Variants in CCDC149 observed in about 807,000 individuals in gnomAD.
CCDC149 encodes the protein coiled-coil domain-containing protein 149.
Under a neutral mutation model 59.9 loss-of-function variants are expected in CCDC149, and 45 were observed. That is an observed-to-expected ratio of 0.75 (90% CI 0.59 to 0.96). The LOEUF (loss-of-function observed/expected upper bound fraction) is 0.96. Ranked by LOEUF, CCDC149 falls within the 40% of genes least tolerant of loss-of-function variation. CCDC149 has a pLI of 0.00. For missense variants in CCDC149, 584 were observed against 664.7 expected, an observed-to-expected ratio of 0.88 and a Z score of 1.33; for synonymous variants, 245 against 260.6, an observed-to-expected ratio of 0.94 and a Z score of 0.58.
chr4:24,970,129 T>C (rs571556674), intron 1 of CCDC149, among the ~76,000 whole-genome samples: 1 of 152,334 alleles, frequency 6.6e-6, no homozygotes, highest in South Asian at 2.1e-4. Context: ...ATATTTTGCC[T>C]GAGGGACGTG....
intron 1 of CCDC149, among the ~76,000 whole-genome samples, chr4:24,938,833 A>G (rs1722861192): frequency 6.6e-6 from 1 of 152,268 alleles, no homozygotes; most frequent in Non-Finnish European, 1.5e-5. Flanking sequence ...GCAAGGCATC[A>G]GCGAGGCTGG....
In CCDC149 at chr4:24,908,531, C is replaced by CA. The variant is rs5856870; in HGVS notation, c.63+4285dup. On this transcript the variant is annotated intron_variant, in intron 1 of 12. Transcript: ENST00000635206. The stretch of plus-strand genomic sequence containing the variant: ...GCAACATAGCAAGACTCTATCTCTA[C>CA]AAAAAAAAAAAAAAAAAAATTGGCT... Among the ~76,000 whole-genome samples, 989 of 115,310 alleles carry CA rather than the reference C, an allele frequency of 8.6e-3. 19 individuals carry two copies. In the East Asian group the frequency reaches 0.12, roughly 14 times the overall value. 75.6% of individuals were successfully genotyped at this position (115,310 alleles called of 152,430 possible).
At chr4:24,947,702 A>G (rs1723157106) in intron 1 of CCDC149, among the ~76,000 whole-genome samples, 1 of 152,162 alleles carries the variant, frequency 6.6e-6, no homozygotes, top group Non-Finnish European at 1.5e-5. Context: ...GCCACCACTC[A>G]TCTTGTGGGC....
chr4:24,835,271 C>T (rs572839302), intron 7 of CCDC149, among the ~76,000 whole-genome samples: 1 of 152,208 alleles, frequency 6.6e-6, no homozygotes, highest in South Asian at 2.1e-4. Flanking sequence ...ATTACAGTCC[C>T]CTGTATACAA....
At chr4:24,854,941 C>T (rs550581077) in intron 3 of CCDC149, among the ~76,000 whole-genome samples, 10 of 152,294 alleles carry the variant, frequency 6.6e-5, no homozygotes, top group East Asian at 3.9e-4. Flanking sequence ...CCATCTTAAC[C>T]GATCGATTTA....
At chr4:24,844,660 C>A (rs535465683) in intron 4 of CCDC149, among the ~76,000 whole-genome samples, 1 of 152,252 alleles carries the variant, frequency 6.6e-6, no homozygotes, top group East Asian at 1.9e-4. Context: ...GTAGTCCCAG[C>A]TACGCAGGAG....
At chr4:24,838,676 G>A (rs1375195972) in intron 4 of CCDC149, among the ~76,000 whole-genome samples, 1 of 151,742 alleles carries the variant, frequency 6.6e-6, no homozygotes, top group Non-Finnish European at 1.5e-5. Flanking sequence ...CCTACCCAAT[G>A]ATCCAGTAAC....
chr4:24,853,887 C>T lies in CCDC149; in HGVS notation c.265-708G>A, dbSNP rs557014452. ...TGCAACAGTTTCCTGGGCTGGTTTT[C>T]CCCTTCTTTATTTCCTTATTCTACC... On this transcript the variant is annotated intron_variant, in intron 3 of 12. Coordinates refer to ENST00000635206, the MANE Select transcript of CCDC149 (RefSeq NM_001330643.2). Among the ~76,000 whole-genome samples, 4 of 152,238 alleles carry T rather than the reference C, an allele frequency of 2.6e-5. No homozygotes were observed. In the East Asian group the frequency reaches 5.8e-4, roughly 22 times the overall value.
intron 1 of CCDC149, among the ~76,000 whole-genome samples, chr4:24,929,417 C>T (rs994690883): frequency 4.6e-5 from 7 of 152,170 alleles, no homozygotes; most frequent in African/African-American, 1.7e-4. Context: ...CTATCATTTC[C>T]ATAATCATCT....
upstream of CCDC149, among the ~76,000 whole-genome samples, chr4:24,917,313 G>T (rs544775859): frequency 1.3e-5 from 2 of 152,248 alleles, no homozygotes; most frequent in African/African-American, 4.8e-5. Context: ...CAGGCAGCAG[G>T]GGGTGGAAGG....
intron 4 of CCDC149, among the ~76,000 whole-genome samples, chr4:24,850,013 C>A (rs531279687): frequency 4.4e-4 from 67 of 152,334 alleles, no homozygotes; most frequent in Middle Eastern, 3.4e-3. Context: ...GTTAGTCCCC[C>A]CTCTGTTGGG....
At chr4:24,829,533 G>C (rs1577388750) in intron 9 of CCDC149, 2 of 152,114 alleles carry the variant, frequency 1.3e-5, no homozygotes, top group East Asian at 3.9e-4. Flanking sequence ...ATCTTACTTG[G>C]ATTTCAAGAT....
chr4:24,915,906 C>T (rs559269869), upstream of CCDC149, among the ~76,000 whole-genome samples: 60 of 152,316 alleles, frequency 3.9e-4, no homozygotes, highest in African/African-American at 1.4e-3. Context: ...CAGAAGGCCT[C>T]TAGACACCTC....
At chr4:24,943,261 G>C (rs556391878) in intron 1 of CCDC149, among the ~76,000 whole-genome samples, 69 of 151,838 alleles carry the variant, frequency 4.5e-4, no homozygotes, top group African/African-American at 1.5e-3. Flanking sequence ...AAATAATGCC[G>C]CATATCTACA....
At chr4:24,856,623 T>C (rs966505198) in intron 3 of CCDC149, among the ~76,000 whole-genome samples, 1 of 152,210 alleles carries the variant, frequency 6.6e-6, no homozygotes, top group Non-Finnish European at 1.5e-5. Context: ...AAACTTCCAT[T>C]TGAAAGCGCA....
At chr4:24,815,837 A>G (rs1348268700) in intron 12 of CCDC149, among the ~76,000 whole-genome samples, 1 of 152,126 alleles carries the variant, frequency 6.6e-6, no homozygotes, top group African/African-American at 2.4e-5. Context: ...TAACTTTTTA[A>G]GCAGTGGGTG....
At chr4:24,827,283 G>A (rs1000341238) in intron 9 of CCDC149, 7 of 152,272 alleles carry the variant, frequency 4.6e-5, no homozygotes, top group Admixed American at 3.3e-4. Context: ...CTACATGCCT[G>A]AAGACGCCCC....
chr4:24,882,943 T>C (rs892144549), intron 1 of CCDC149, among the ~76,000 whole-genome samples: 124 of 152,312 alleles, frequency 8.1e-4, no homozygotes, highest in African/African-American at 2.9e-3. Context: ...CTTCCTCACA[T>C]AGGCCAAGAA....
At chr4:24,944,194 TA>T (rs1215823326) in intron 1 of CCDC149, among the ~76,000 whole-genome samples, 2 of 152,154 alleles carry the variant, frequency 1.3e-5, no homozygotes, top group Non-Finnish European at 2.9e-5. Context: ...ATGTGGCACA[TA>T]AACACCATGG....
Sources: allele counts gnomAD v4.1 joint callset (sites outside exome capture counted in the v4.1 genomes callset), GRCh38; gene constraint gnomAD v4.1.1; transcripts MANE v1.5; gene names NCBI Gene and HGNC (gene_info 2026-07-23, HGNC 2026-07-21).